MGST2: variants seen among roughly 807,000 people sequenced by gnomAD.
MGST2 encodes glutathione peroxidase MGST2.
Under a neutral mutation model 16.6 loss-of-function variants are expected in MGST2, and 9 were observed. The observed-to-expected ratio is 0.54, with a 90% confidence interval of 0.33 to 0.95. MGST2 has a LOEUF of 0.95. MGST2 is among the 40% of genes least tolerant of loss of function. MGST2 has a pLI of 0.03. For missense variants in MGST2, 159 were observed against 175.1 expected, an observed-to-expected ratio of 0.91 and a Z score of 0.52; for synonymous variants, 79 against 68.0, an observed-to-expected ratio of 1.16 and a Z score of -0.79.
intron 3 of MGST2, chr4:139,698,047 T>C: frequency 1.4e-6 from 1 of 730,642 alleles, no homozygotes; most frequent in Non-Finnish European, 2.2e-6. Context: ...TTTGACCCCA[T>C]GGAAAAAAAT....
At chr4:139,731,984 T>C (rs1299376062) in intron 5 of MGST2, among the ~76,000 whole-genome samples, 1 of 152,232 alleles carries the variant, frequency 6.6e-6, no homozygotes, top group Admixed American at 6.5e-5. Flanking sequence ...CAGAAATTCC[T>C]TCTACCTCAC....
Position 139,703,989 on chromosome 4 carries a change from C to A in MGST2, c.312-27C>A, listed in dbSNP as rs769351402. The A allele has an allele frequency of 1.9e-5, 30 of 1,613,866 alleles. 1 individual carries two copies. The highest frequency in any genetic ancestry group is 5.3e-5 in the African/African-American group (4 of 74,920). On this transcript the variant is annotated intron_variant, in intron 4 of 4. Coordinates refer to ENST00000265498, the MANE Select transcript of MGST2 (RefSeq NM_002413.5). ...TTCCTTATTACAGTCCAGTTTGTCA[C>A]TTTTCTCCCTCATGTCCACTCTGCA...
At chr4:139,695,357 C>A in intron 3 of MGST2, 90 bp downstream of exon 3, 1 of 1,106,034 alleles carries the variant, frequency 9.0e-7, no homozygotes, top group East Asian at 2.4e-5. Context: ...CACGGTGGCT[C>A]ACACCTATAT....
At position 139,678,541 on chromosome 4, in the gene MGST2, AG is replaced by A. The variant is rs1731078090; in HGVS notation, c.59del. The A allele has an allele frequency of 1.2e-6, 2 of 1,612,634 alleles. No homozygotes were observed. Among genetic ancestry groups the A allele is most frequent in the African/African-American group, 2.7e-5 (2 of 75,026 alleles). The stretch of plus-strand genomic sequence containing the variant: ...TAACGCAACATTTCCCTTTACTTGC[AG>A]GTTATTTTGCTTTGCAAGTTGGAAA... On this transcript the variant is annotated splice_acceptor_variant, in intron 1 of 4. Transcript: ENST00000265498. LOFTEE classifies it high-confidence loss of function.
chr4:139,686,358 C>T (rs1049723075), intron 2 of MGST2, among the ~76,000 whole-genome samples: 4 of 152,092 alleles, frequency 2.6e-5, no homozygotes, highest in Admixed American at 6.5e-5. Flanking sequence ...GTTTGTAAAA[C>T]GTTTCTTATC....
intron 1 of MGST2, among the ~76,000 whole-genome samples, chr4:139,678,206 T>C (rs1370480254): frequency 6.6e-6 from 1 of 152,226 alleles, no homozygotes; most frequent in East Asian, 1.9e-4. Flanking sequence ...CCAAGGGCTT[T>C]GGCCCCTACA....
At position 139,715,838 on chromosome 4, in the gene MGST2, C is replaced by G. The variant is rs544487699; in HGVS notation, c.*48+11642C>G. 4.6e-5 allele frequency among the ~76,000 whole-genome samples: 7 copies of G among 152,176 alleles called. No homozygotes were observed. The highest frequency in any genetic ancestry group is 1.2e-4 in the African/African-American group (5 of 41,470). ...CTGTTTTATCAGCAAGGTCTTTATG[C>G]CGTGTATTTTGTGCTGAACTCCTAT... On this transcript the variant is annotated intron_variant, in intron 5 of 5. Coordinates refer to the MGST2 transcript ENST00000616265. This position sits in a 1 kb window ranked among gnomAD's most constrained non-coding sequence, Gnocchi z 4.4.
In MGST2 at chr4:139,723,459, C is replaced by T. The variant is rs185135671; in HGVS notation, c.*49-16753C>T. Among the ~76,000 whole-genome samples the T allele has an allele frequency of 6.1e-4, 93 of 152,228 alleles. 1 individual carries two copies. The East Asian group carries it at 0.013, about 22-fold the overall frequency. ...CGGAGTAGCTGGGATTACAGGCATG[C>T]GCCACTATGCCTGGCTAATTTTTTG... On this transcript the variant is annotated intron_variant, in intron 5 of 5. Coordinates refer to the MGST2 transcript ENST00000616265.
At chr4:139,687,957 G>A (rs958766114) in intron 2 of MGST2, among the ~76,000 whole-genome samples, 1 of 152,130 alleles carries the variant, frequency 6.6e-6, no homozygotes, top group Non-Finnish European at 1.5e-5. Context: ...ATTCCTTTAC[G>A]TTATTACTGA....
intron 2 of MGST2, among the ~76,000 whole-genome samples, chr4:139,692,455 T>C (rs1445388388): frequency 6.6e-6 from 1 of 152,198 alleles, no homozygotes; most frequent in African/African-American, 2.4e-5. Flanking sequence ...CAGTCCTCTG[T>C]GAGTACAATA....
chr4:139,727,730 TG>T (rs1455640854), intron 5 of MGST2, among the ~76,000 whole-genome samples: 1 of 152,234 alleles, frequency 6.6e-6, no homozygotes, highest in Non-Finnish European at 1.5e-5. Context: ...TGCACTGCTC[TG>T]ATTGCCAAGT....
chr4:139,688,223 T>C (rs1212409526), intron 2 of MGST2, among the ~76,000 whole-genome samples: 1 of 152,226 alleles, frequency 6.6e-6, no homozygotes, highest in African/African-American at 2.4e-5. Context: ...TTCAGCTTTT[T>C]TTCTCCAACC....
intron 5 of MGST2, chr4:139,719,460 A>G (rs778385659): frequency 4.3e-6 from 7 of 1,613,964 alleles, no homozygotes; most frequent in East Asian, 2.2e-5. Flanking sequence ...CTGTAATTGT[A>G]TGACACGTCC....
At chr4:139,685,669 A>C (rs1325298970) in intron 2 of MGST2, among the ~76,000 whole-genome samples, 2 of 152,066 alleles carry the variant, frequency 1.3e-5, no homozygotes, top group Non-Finnish European at 1.5e-5. Context: ...TTATGTATGT[A>C]TTTATTTATT....
intron 2 of MGST2, among the ~76,000 whole-genome samples, chr4:139,693,770 T>C (rs573807817): frequency 6.6e-6 from 1 of 152,206 alleles, no homozygotes; most frequent in Non-Finnish European, 1.5e-5. Flanking sequence ...AAGACATTCC[T>C]TGGGTCACCA....
At chr4:139,669,064 A>G (rs795595) in intron 1 of MGST2, among the ~76,000 whole-genome samples, 87,243 of 151,958 alleles carry the variant, frequency 0.57, 26,799 homozygotes, top group East Asian at 0.86. Flanking sequence ...GTCTGTTTCA[A>G]TGTTAATGCT....
At chr4:139,673,326 C>T (rs886691125) in intron 1 of MGST2, among the ~76,000 whole-genome samples, 6 of 152,318 alleles carry the variant, frequency 3.9e-5, no homozygotes, top group Admixed American at 2.0e-4. Flanking sequence ...GCATTGATTG[C>T]AGGGTGCCAA....
intron 1 of MGST2, among the ~76,000 whole-genome samples, 183 bp from the exon 2 acceptor site, chr4:139,678,360 T>C (rs879589989): frequency 1.3e-5 from 2 of 152,248 alleles, no homozygotes; most frequent in Admixed American, 6.5e-5. Flanking sequence ...CCCACCAGCA[T>C]TGTATGAAAG....
At chr4:139,747,272 G>C in the MGST2 span, among the ~76,000 whole-genome samples, 1 of 152,194 alleles carries the variant, frequency 6.6e-6, no homozygotes, top group Non-Finnish European at 1.5e-5. Context: ...GGCGCCGGTG[G>C]GAGGAGGGAG....
Sources: gnomAD v4.1 joint callset for allele counts (sites outside exome capture counted in the v4.1 genomes callset) on GRCh38, gnomAD v4.1.1 for gene constraint, Gnocchi (gnomAD v3.1) non-coding constraint, MANE v1.5 for transcripts, NCBI Gene and HGNC (gene_info 2026-07-23, HGNC 2026-07-21) for gene names.